ACOXL: variants seen among roughly 807,000 people sequenced by gnomAD.
ACOXL encodes acyl-CoA oxidase like.
Under a neutral mutation model 71.9 loss-of-function variants are expected in ACOXL, and 70 were observed. That is an observed-to-expected ratio of 0.97 (90% CI 0.80 to 1.19). ACOXL has a LOEUF of 1.19. ACOXL is among the 50% of genes most tolerant of loss of function. ACOXL has a pLI of 0.00. For synonymous variants in ACOXL, 253 were observed against 281.6 expected, an observed-to-expected ratio of 0.90 and a Z score of 1.02; for missense variants, 703 against 736.3, an observed-to-expected ratio of 0.95 and a Z score of 0.52.
At chr2:110,921,861 C>A (rs1355522932) in intron 11 of ACOXL, among the ~76,000 whole-genome samples, 1 of 152,178 alleles carries the variant, frequency 6.6e-6, no homozygotes, top group African/African-American at 2.4e-5. Flanking sequence ...TTAAATTTCT[C>A]CTTAAGACTT....
intron 14 of ACOXL, among the ~76,000 whole-genome samples, chr2:111,003,599 T>G (rs574091024): frequency 2.9e-5 from 4 of 139,044 alleles, no homozygotes; most frequent in African/African-American, 1.1e-4. Flanking sequence ...AACTAGCTTT[T>G]ACCACTTCCG....
chr2:110,829,260 C>T (rs1054789765), intron 9 of ACOXL, among the ~76,000 whole-genome samples: 1 of 152,186 alleles, frequency 6.6e-6, no homozygotes, highest in Non-Finnish European at 1.5e-5. Context: ...CACACCCCAT[C>T]CCCACCCCAG....
At chr2:110,895,659 G>T (rs2058977637) in intron 10 of ACOXL, among the ~76,000 whole-genome samples, 2 of 134,758 alleles carry the variant, frequency 1.5e-5, no homozygotes, top group Admixed American at 1.5e-4. Context: ...AAAAAATCTT[G>T]AAAACAATAG....
chr2:110,740,973 A>G (rs1677454029), intron 1 of ACOXL, among the ~76,000 whole-genome samples: 1 of 152,178 alleles, frequency 6.6e-6, no homozygotes, highest in Admixed American at 6.5e-5. Context: ...TTCATGTTGG[A>G]GGGGATCTTG....
At chr2:111,022,686 A>T (rs1379660067) in intron 14 of ACOXL, among the ~76,000 whole-genome samples, 5 of 151,416 alleles carry the variant, frequency 3.3e-5, no homozygotes, top group Non-Finnish European at 7.4e-5. Flanking sequence ...TGTGGGCAGG[A>T]CCCCCAGGGG....
intron 10 of ACOXL, among the ~76,000 whole-genome samples, chr2:110,883,141 A>C (rs1573978178): frequency 8.5e-6 from 1 of 117,704 alleles, no homozygotes; most frequent in African/African-American, 3.4e-5. Context: ...AGACGATCTC[A>C]CTCTGTTGCC....
chr2:110,775,654 T>C (rs1460749348), intron 2 of ACOXL, among the ~76,000 whole-genome samples: 1 of 152,138 alleles, frequency 6.6e-6, no homozygotes, highest in Non-Finnish European at 1.5e-5. Context: ...CCAACGTCAC[T>C]AATCATTAGG....
At chr2:110,877,569 G>C (rs1696084112) in intron 10 of ACOXL, among the ~76,000 whole-genome samples, 1 of 152,184 alleles carries the variant, frequency 6.6e-6, no homozygotes, top group East Asian at 1.9e-4. Context: ...GTAGCCACTG[G>C]GTTGATGCAG....
intron 9 of ACOXL, among the ~76,000 whole-genome samples, chr2:110,838,441 G>T (rs917521050): frequency 2.6e-5 from 4 of 152,146 alleles, no homozygotes; most frequent in Non-Finnish European, 5.9e-5. Flanking sequence ...AGGGCGAGGG[G>T]CTTTGGAAAG....
At chr2:111,065,815 C>T (rs1558931331) in intron 16 of ACOXL, among the ~76,000 whole-genome samples, 1 of 152,192 alleles carries the variant, frequency 6.6e-6, no homozygotes, top group South Asian at 2.1e-4. Flanking sequence ...ATAAGATGAA[C>T]TCTTTCCCCC....
chr2:111,053,806 TA>T (rs1463580174), intron 16 of ACOXL, among the ~76,000 whole-genome samples: 2 of 152,236 alleles, frequency 1.3e-5, no homozygotes, highest in Non-Finnish European at 2.9e-5. Flanking sequence ...TCCATGGGAC[TA>T]AAACTTCCTG....
intron 1 of ACOXL, chr2:110,733,108 G>C (rs1210092219): frequency 1.3e-5 from 2 of 152,458 alleles, no homozygotes; most frequent in African/African-American, 2.4e-5. Context: ...CGGCCTTGCT[G>C]GTTTGTTGAA....
chr2:110,807,734 G>C (rs1215249431), intron 9 of ACOXL, among the ~76,000 whole-genome samples: 1 of 152,148 alleles, frequency 6.6e-6, no homozygotes, highest in African/African-American at 2.4e-5. Context: ...GATCTCACCG[G>C]CCCTCTTGGC....
chr2:111,024,377 A>G (rs142294950), intron 14 of ACOXL, among the ~76,000 whole-genome samples: 3 of 152,318 alleles, frequency 2.0e-5, no homozygotes, highest in Non-Finnish European at 4.4e-5. Context: ...AGAAGAGCAG[A>G]GACTCATGGA....
At chr2:110,959,040 C>T (rs2061604258) in intron 12 of ACOXL, among the ~76,000 whole-genome samples, 2 of 152,248 alleles carry the variant, frequency 1.3e-5, no homozygotes, top group Admixed American at 6.5e-5. Context: ...CGTGCATTAC[C>T]TCTGAATGAA....
intron 12 of ACOXL, chr2:110,963,811 G>A: frequency 6.6e-7 from 1 of 1,511,562 alleles, no homozygotes; most frequent in East Asian, 2.4e-5. Context: ...TTAATTGGCA[G>A]GTGCTTTCCT....
At position 111,117,748 on chromosome 2, in the gene ACOXL, G is replaced by A; in HGVS notation, c.1675G>A (p.Ala559Thr). The change falls in exon 18 of 18, where the codon GCA becomes ACA. Residue 559 changes from alanine to threonine, a missense_variant. Physicochemically the swap from Ala to Thr is moderately conservative, Grantham distance 58. Transcript: ENST00000439055. ...GCGGGCCGCGTGGGCTTTCTACCCT[G>A]CACCGCTGCAGCCGCGGCCACGGGA... ...NPRAAWAFYP[A>T]PLQPRPREEA... is the part of the protein sequence containing the mutation. 1.3e-6 allele frequency: 2 copies of A among 1,551,512 alleles called. No homozygotes were observed. Among genetic ancestry groups the A allele is most frequent in the South Asian group, 1.2e-5 (1 of 84,062 alleles).
chr2:110,869,804 A>T (rs1242702620), intron 10 of ACOXL, among the ~76,000 whole-genome samples: 1 of 152,158 alleles, frequency 6.6e-6, no homozygotes, highest in East Asian at 1.9e-4. Flanking sequence ...CCTCCTGGCC[A>T]CAGAAGACTC....
intron 15 of ACOXL, among the ~76,000 whole-genome samples, chr2:111,041,122 G>A (rs1219669584): frequency 6.6e-6 from 1 of 152,120 alleles, no homozygotes; most frequent in Admixed American, 6.5e-5. Context: ...GCACCAAGGT[G>A]GAGAGGAGAG....
Sources: gnomAD v4.1 joint callset for allele counts (sites outside exome capture counted in the v4.1 genomes callset) on GRCh38, gnomAD v4.1.1 for gene constraint, MANE v1.5 for transcripts, NCBI Gene and HGNC (gene_info 2026-07-23, HGNC 2026-07-21) for gene names.